The following XRCC5 variants were observed in gnomAD, a reference collection of about 807,000 sequenced individuals.
XRCC5 encodes the protein DNA repair protein Ku80.
A neutral mutation model predicts 95.7 loss-of-function variants in XRCC5; 12 were observed. The observed-to-expected ratio is 0.13, with a 90% confidence interval of 0.08 to 0.20. XRCC5 has a LOEUF of 0.20. XRCC5 is among the 10% of genes least tolerant of loss of function. The probability of loss-of-function intolerance (pLI) is 1.00; values close to 1 mark genes in which losing one functional copy is unlikely to be tolerated. For synonymous variants in XRCC5, 281 were observed against 290.3 expected (o/e 0.97, Z 0.33); for missense variants, 595 against 873.9 (o/e 0.68, Z 4.02).
chr2:216,123,486 G>A (rs545869010), intron 6 of XRCC5, among the ~76,000 whole-genome samples: 7 of 152,244 alleles, frequency 4.6e-5, no homozygotes, highest in African/African-American at 7.2e-5. Flanking sequence ...AATGCCTTAA[G>A]CTAAACATAT....
chr2:216,170,495 AG>A (rs1689141306), intron 16 of XRCC5, among the ~76,000 whole-genome samples: 1 of 152,046 alleles, frequency 6.6e-6, no homozygotes, highest in South Asian at 2.1e-4. Flanking sequence ...TGAAGGAGAG[AG>A]AGAGAGAGAG....
chr2:216,198,532 CTT>C lies in XRCC5; in HGVS notation c.2109+3549_2109+3550del, dbSNP rs930791277. Among the ~76,000 whole-genome samples the C allele has an allele frequency of 3.6e-5, 5 of 138,088 alleles. No homozygotes were observed. In the Admixed American group the frequency reaches 3.8e-4, roughly 10 times the overall value. The allele number at this position is 138,088 out of a possible 152,430, so 90.6% of individuals were successfully genotyped here. ...AACTTGATCCTTTGTATGAAAAATG[CTT>C]TTATTTATTTATTTATTTATTTATT... On this transcript the variant is annotated intron_variant, in intron 19 of 20. Coordinates refer to ENST00000392132, the MANE Select transcript of XRCC5 (RefSeq NM_021141.4).
intron 16 of XRCC5, 97 bp from the exon 17 acceptor site, chr2:216,190,128 T>A: frequency 1.1e-6 from 1 of 946,406 alleles, no homozygotes; most frequent in Non-Finnish European, 1.6e-6. Context: ...CCATGAGGCT[T>A]GTGAACTATA....
At chr2:216,200,785 C>A (rs1689821119) in intron 19 of XRCC5, among the ~76,000 whole-genome samples, 1 of 152,084 alleles carries the variant, frequency 6.6e-6, no homozygotes, top group Non-Finnish European at 1.5e-5. Context: ...GCCTTTTTTT[C>A]ATCAATTATG....
intron 14 of XRCC5, chr2:216,156,855 G>T (rs1424395066): frequency 8.1e-6 from 3 of 372,510 alleles, no homozygotes; most frequent in Non-Finnish European, 1.6e-5. Flanking sequence ...AGCAGTGGGT[G>T]CCGCAAATGC....
chr2:216,136,884 C>T (rs993755717), intron 10 of XRCC5, among the ~76,000 whole-genome samples: 5 of 152,048 alleles, frequency 3.3e-5, no homozygotes, highest in Admixed American at 6.6e-5. Context: ...AGCAGTAAGA[C>T]GGATTTAGTT....
chr2:216,115,030 C>G (rs367848012), intron 2 of XRCC5, among the ~76,000 whole-genome samples: 2 of 152,178 alleles, frequency 1.3e-5, no homozygotes, highest in South Asian at 2.1e-4. Flanking sequence ...AAAAACTAAA[C>G]AAAGAAGGGC....
At chr2:216,150,362 T>C (rs924733783) in intron 14 of XRCC5, among the ~76,000 whole-genome samples, 1 of 152,172 alleles carries the variant, frequency 6.6e-6, no homozygotes, top group African/African-American at 2.4e-5. Flanking sequence ...ACTATAACAA[T>C]GAACAAAGAT....
chr2:216,146,461 T>G (rs930094438), intron 13 of XRCC5, among the ~76,000 whole-genome samples: 2 of 148,506 alleles, frequency 1.3e-5, no homozygotes, highest in African/African-American at 5.3e-5. Context: ...TATTTTGAAA[T>G]TACAGGAGCT....
intron 19 of XRCC5, among the ~76,000 whole-genome samples, chr2:216,196,939 A>C (rs1319749117): frequency 6.6e-6 from 1 of 152,136 alleles, no homozygotes. Context: ...AATCAGGAAA[A>C]ATATTTTTTG....
intron 16 of XRCC5, chr2:216,175,605 A>G (rs932359108): frequency 3.5e-5 from 14 of 396,852 alleles, no homozygotes; most frequent in Non-Finnish European, 4.9e-6. Flanking sequence ...TTTCAGAGTA[A>G]TTTCTGAAAC....
intron 19 of XRCC5, among the ~76,000 whole-genome samples, chr2:216,197,085 A>G (rs1197312282): frequency 6.6e-6 from 1 of 152,230 alleles, no homozygotes; most frequent in Non-Finnish European, 1.5e-5. Context: ...GTTCCAGCTA[A>G]GTTAACCCAG....
intron 16 of XRCC5, among the ~76,000 whole-genome samples, chr2:216,162,799 C>G (rs988773722): frequency 2.6e-5 from 4 of 152,078 alleles, no homozygotes; most frequent in African/African-American, 9.7e-5. Flanking sequence ...AAATTTAATC[C>G]TTCTCAAAAT....
intron 20 of XRCC5, 119 bp downstream of exon 20, chr2:216,204,515 AC>A: frequency 9.6e-7 from 1 of 1,044,276 alleles, no homozygotes; most frequent in Non-Finnish European, 1.5e-6. Flanking sequence ...TTTCCAATAC[AC>A]CAGAAGCTTC....
intron 10 of XRCC5, among the ~76,000 whole-genome samples, chr2:216,133,517 A>G (rs1004511468): frequency 1.3e-5 from 2 of 152,234 alleles, no homozygotes; most frequent in African/African-American, 4.8e-5. Context: ...TCTTTATGCA[A>G]AGAACATTCT....
intron 1 of XRCC5, chr2:216,111,519 C>CT (rs1273367432): frequency 3.6e-6 from 1 of 281,302 alleles, no homozygotes; most frequent in East Asian, 1.4e-4. Context: ...GAGACCATGT[C>CT]TCAAAAAAAA....
rs542940708 is a variant in XRCC5 at position 216,146,574 on chromosome 2, C to T, written c.1477-1509C>T. ...CCTTAATTTTGGAATTAATCTTCAT[C>T]GAAGGAAGGAAAACATCAATAAACT... On this transcript the variant is annotated intron_variant, in intron 13 of 20. Coordinates refer to ENST00000392132, the MANE Select transcript of XRCC5 (RefSeq NM_021141.4). 7.2e-5 allele frequency among the ~76,000 whole-genome samples: 11 copies of T among 152,240 alleles called. No individual in the cohort carries two copies. The East Asian group carries it at 1.3e-3, about 19-fold the overall frequency.
intron 16 of XRCC5, among the ~76,000 whole-genome samples, chr2:216,187,872 C>T (rs952987974): frequency 2.1e-5 from 3 of 144,506 alleles, no homozygotes; most frequent in Admixed American, 6.9e-5. Context: ...CCCCGTCTCC[C>T]TGTCTCTCCC....
chr2:216,170,037 CAAAAAAAAAAAAAAAAAAAAA>C (rs71047982), intron 16 of XRCC5, among the ~76,000 whole-genome samples: 8 of 53,606 alleles, frequency 1.5e-4, no homozygotes, highest in Admixed American at 6.9e-4. Flanking sequence ...GACTGTGTCT[CAAAAAAAAAAAAAAAAAAAAA>C]AAAAAAAAAA....
Sources: allele counts gnomAD v4.1 joint callset (sites outside exome capture counted in the v4.1 genomes callset), GRCh38; gene constraint gnomAD v4.1.1; transcripts MANE v1.5; gene names NCBI Gene and HGNC (gene_info 2026-07-23, HGNC 2026-07-21).